Variants in GLI3 observed in about 807,000 individuals in gnomAD.
The protein encoded by GLI3 is GLI family zinc finger 3.
In GLI3, 20 loss-of-function variants were observed where a neutral mutation model predicts 100.8. The ratio of observed to expected loss-of-function variants is 0.20; its 90% CI spans 0.14 to 0.29. GLI3 has a LOEUF of 0.29. Among genes scored for constraint, GLI3 ranks in the 10% least tolerant of loss-of-function variants. The pLI is 1.00. For synonymous variants in GLI3, 938 were observed against 860.5 expected (o/e 1.09, Z -1.58); for missense variants, 2,040 against 2,128.5 (o/e 0.96, Z 0.82).
At chr7:42,223,964 A>C (rs967647114) in intron 1 of GLI3, among the ~76,000 whole-genome samples, 2 of 152,272 alleles carry the variant, frequency 1.3e-5, no homozygotes, top group Non-Finnish European at 2.9e-5. Context: ...TAATAGAACA[A>C]CACGCTCTTG....
At chr7:42,118,300 A>C (rs1052331280) in intron 3 of GLI3, 28 of 398,542 alleles carry the variant, frequency 7.0e-5, no homozygotes, top group Non-Finnish European at 1.2e-4. Context: ...AGCAGTTTTT[A>C]TTTCCTTTCT....
rs1279241375 is a variant in GLI3, at chr7:42,128,699, G to A, written c.367+19527C>T. Among the ~76,000 whole-genome samples, 12 of 152,142 alleles carry A rather than the reference G, an allele frequency of 7.9e-5. No homozygotes were observed. The East Asian group carries it at 2.3e-3, about 29-fold the overall frequency. On this transcript the variant is annotated intron_variant, in intron 3 of 14. Transcript: ENST00000395925. ...AGAGGGAAAAACTGTCAGTCAGACA[G>A]CCCATGAGCCGTCCTTGGTATGTCA...
intron 3 of GLI3, among the ~76,000 whole-genome samples, chr7:42,099,939 G>A (rs1027067714): frequency 3.9e-5 from 6 of 152,242 alleles, no homozygotes; most frequent in African/African-American, 2.4e-5. Context: ...TGAGGATCAC[G>A]GGCACGTTAG....
chr7:42,138,038 T>G (rs1298444140), intron 3 of GLI3, among the ~76,000 whole-genome samples: 1 of 152,198 alleles, frequency 6.6e-6, no homozygotes, highest in South Asian at 2.1e-4. Flanking sequence ...GCCTAGGTGT[T>G]TGTTGTATGT....
intron 3 of GLI3, among the ~76,000 whole-genome samples, chr7:42,099,234 G>A (rs891751817): frequency 1.3e-4 from 20 of 152,112 alleles, no homozygotes; most frequent in African/African-American, 4.8e-4. Context: ...CCAAAACTTC[G>A]GGTTAGGAAA....
chr7:42,053,076 C>A (rs1160854991), intron 4 of GLI3, among the ~76,000 whole-genome samples: 1 of 152,156 alleles, frequency 6.6e-6, no homozygotes, highest in Non-Finnish European at 1.5e-5. Flanking sequence ...CTCACTGCAA[C>A]CTCCGCCCTC....
At position 41,989,037 on chromosome 7, in the gene GLI3, G is replaced by A. The variant is rs139302412; in HGVS notation, c.1498-10289C>T. Among the ~76,000 whole-genome samples, 497 of 152,292 alleles carry A rather than the reference G, an allele frequency of 3.3e-3. 7 individuals carry two copies. Among genetic ancestry groups the A allele is most frequent in the Non-Finnish European group, 4.9e-3 (333 of 68,018 alleles). ...GTGCACATCGTTTCTACAAGTTACT[G>A]AGCAGATTTAATTTTATACCATATC... On this transcript the variant is annotated intron_variant, in intron 10 of 14. Coordinates refer to ENST00000395925, the MANE Select transcript of GLI3 (RefSeq NM_000168.6).
intron 2 of GLI3, among the ~76,000 whole-genome samples, chr7:42,155,983 C>G (rs571832112): frequency 1.3e-5 from 2 of 152,112 alleles, no homozygotes; most frequent in Non-Finnish European, 2.9e-5. Context: ...TCTCTACCCC[C>G]GGGAGGATGC....
At position 42,237,068 on chromosome 7, in the gene GLI3, A is replaced by T. The variant is rs1788819221; in HGVS notation, c.-140T>A. 1 of 147,756 alleles carries T rather than the reference A, an allele frequency of 6.8e-6. No homozygotes were observed. 9.2% of individuals were successfully genotyped at this position (147,756 alleles called of 1,614,324 possible). A position where few individuals can be genotyped will look rare whatever the true frequency, so the allele number is the denominator to read the frequency against. ...CCGCTCCGCGCGGCCGCGGGCGGCT[A>T]CGGCTACCGCGAGCGGCCGGGCTGG... On this transcript the variant is annotated 5_prime_UTR_variant, in exon 1 of 15. Transcript: ENST00000395925.
rs749639105 is a variant in GLI3, at chr7:42,223,098, G to A, written c.124+32C>T. On this transcript the variant is annotated intron_variant, in intron 2 of 14. Coordinates refer to ENST00000395925, the MANE Select transcript of GLI3 (RefSeq NM_000168.6). ...GCAGAGAACACAGAAATGACTCCAG[G>A]CTGGGCTGCTGGTAATCCCTGTGCT... 6.8e-6 allele frequency: 11 copies of A among 1,612,524 alleles called. No homozygotes were observed. In the African/African-American group the frequency reaches 1.3e-4, roughly 20 times the overall value.
chr7:42,123,561 TG>T (rs1786053545), intron 3 of GLI3, among the ~76,000 whole-genome samples: 1 of 152,258 alleles, frequency 6.6e-6, no homozygotes, highest in African/African-American at 2.4e-5. Flanking sequence ...GCACAACACT[TG>T]AGAAATAAAT....
chr7:42,050,692 G>A (rs192590059), intron 4 of GLI3, among the ~76,000 whole-genome samples: 1 of 152,278 alleles, frequency 6.6e-6, no homozygotes, highest in East Asian at 1.9e-4. Context: ...ACGCCTCCTG[G>A]GCCAGCTTTT....
At chr7:42,103,784 C>A (rs1379610032) in intron 3 of GLI3, among the ~76,000 whole-genome samples, 4 of 152,102 alleles carry the variant, frequency 2.6e-5, no homozygotes, top group Non-Finnish European at 5.9e-5. Context: ...CAGGATGGGG[C>A]CCTAAATCTG....
chr7:42,000,116 C>G lies in GLI3; in HGVS notation c.1498-21368G>C, dbSNP rs189567917. On this transcript the variant is annotated intron_variant, in intron 10 of 14. Transcript: ENST00000395925. ...TTGACCGTATTACACACAGGAAGCA[C>G]GGCGGGAACTTTCTATCTTAGAAGG... is the stretch of plus-strand genomic sequence containing the variant. Among the ~76,000 whole-genome samples the G allele has an allele frequency of 9.2e-5, 14 of 152,246 alleles. No individual in the cohort carries two copies. In the South Asian group the frequency reaches 2.9e-3, roughly 32 times the overall value.
intron 3 of GLI3, among the ~76,000 whole-genome samples, chr7:42,118,871 A>C (rs570541103): frequency 6.6e-6 from 1 of 152,352 alleles, no homozygotes; most frequent in East Asian, 1.9e-4. Context: ...CACTGTTTTG[A>C]AAGAGAAACG....
In GLI3 at chr7:41,965,458, C is replaced by T. The variant is rs1203661423; in HGVS notation, c.3615G>A (p.Leu1205=). ...NGMVVHPQNP[L]RSGPAGGYQT... is the part of the protein sequence containing the mutation. ...GATAGCCCCCAGCAGGCCCGCTCCT[C>T]AAGGGGTTCTGCGGGTGGACGACCA... The change falls in exon 15 of 15, where the codon TTG becomes TTA. Residue 1205 remains leucine (L), a synonymous_variant. Coordinates refer to ENST00000395925, the MANE Select transcript of GLI3 (RefSeq NM_000168.6). The T allele has an allele frequency of 6.2e-7, 1 of 1,609,000 alleles. No homozygotes were observed. The highest frequency in any genetic ancestry group is 1.3e-5 in the African/African-American group (1 of 75,004).
chr7:42,076,961 C>G (rs1249174837), intron 3 of GLI3, 104 bp from the exon 4 acceptor site: 3 of 752,100 alleles, frequency 4.0e-6, no homozygotes, highest in Non-Finnish European at 7.2e-6. Context: ...ACTACCTACA[C>G]TTAATCTAAG....
At chr7:41,988,940 G>T (rs1274318471) in intron 10 of GLI3, among the ~76,000 whole-genome samples, 1 of 152,140 alleles carries the variant, frequency 6.6e-6, no homozygotes, top group Non-Finnish European at 1.5e-5. Context: ...TCCTGGAGTG[G>T]CCTGTATTTA....
chr7:42,250,444 T>C (rs1044410866), intron 1 of GLI3, among the ~76,000 whole-genome samples: 1 of 152,202 alleles, frequency 6.6e-6, no homozygotes, highest in Admixed American at 6.5e-5. Context: ...GTTTGCTGAC[T>C]GAGTCAGAAT....
Sources: gnomAD v4.1 joint callset for allele counts (sites outside exome capture counted in the v4.1 genomes callset) on GRCh38, gnomAD v4.1.1 for gene constraint, MANE v1.5 for transcripts, NCBI Gene and HGNC (gene_info 2026-07-23, HGNC 2026-07-21) for gene names.